Variants in KIF13A observed in about 807,000 individuals in gnomAD.
KIF13A encodes kinesin family member 13A.
A neutral mutation model predicts 212.2 loss-of-function variants in KIF13A; 79 were observed. The ratio of observed to expected loss-of-function variants is 0.37; its 90% CI spans 0.31 to 0.45. The LOEUF is 0.45. KIF13A is among the 20% of genes least tolerant of loss of function. The probability of loss-of-function intolerance (pLI) is 1.00; values close to 1 mark genes in which losing one functional copy is unlikely to be tolerated. For missense variants in KIF13A, 1,901 were observed against 2,209.0 expected (o/e 0.86, Z 2.79); for synonymous variants, 789 against 808.6 (o/e 0.98, Z 0.41).
intron 16 of KIF13A, among the ~76,000 whole-genome samples, chr6:17,822,576 G>T (rs1246634253): frequency 6.6e-6 from 1 of 152,108 alleles, no homozygotes; most frequent in East Asian, 1.9e-4. Context: ...CTGTGATCTC[G>T]GAGGGCTAAA....
rs537641598 is a variant in KIF13A at position 17,810,076 on chromosome 6, A to G, written c.2001-1146T>C. On this transcript the variant is annotated intron_variant, in intron 17 of 38. Coordinates refer to ENST00000259711, the MANE Select transcript of KIF13A (RefSeq NM_022113.6). ...ACCTCATCTCTATTAAAAAAAAACA[A>G]AAAAGGTGATACCATTTTTCCAGTC... Among the ~76,000 whole-genome samples, 17 of 152,248 alleles carry G rather than the reference A, an allele frequency of 1.1e-4. No individual in the cohort carries two copies. The South Asian group carries it at 3.3e-3, about 30-fold the overall frequency.
chr6:17,959,708 T>TCAATTAAA (rs1425264421), intron 2 of KIF13A, among the ~76,000 whole-genome samples: 7 of 152,252 alleles, frequency 4.6e-5, no homozygotes, highest in Admixed American at 1.3e-4. Flanking sequence ...CATCTAATGG[T>TCAATTAAA]AGCTTTCCTT....
rs9477554 is a variant in KIF13A at position 17,895,357 on chromosome 6, T to G, written c.159+2811A>C. Among the ~76,000 whole-genome samples, 7,006 of 152,272 alleles carry G rather than the reference T, an allele frequency of 0.046. 550 individuals are homozygous for G. The highest frequency in any genetic ancestry group is 0.16 in the African/African-American group (6,657 of 41,520). ...TGATGGTGTATTGGACATTGTATTT[T>G]TAAAACAGTTTGTGGAATCACTAAA... On this transcript the variant is annotated intron_variant, in intron 3 of 38. Transcript: ENST00000259711. The surrounding 1 kb of genome is among the most constrained non-coding windows in gnomAD (Gnocchi z 4.4).
chr6:17,987,175 G>C lies in KIF13A; in HGVS notation c.56-31C>G, dbSNP rs762683924. The C allele has an allele frequency of 6.5e-7, 1 of 1,541,436 alleles. No homozygotes were observed. The highest frequency in any genetic ancestry group is 1.2e-5 in the South Asian group (1 of 86,574). On this transcript the variant is annotated intron_variant, in intron 1 of 38. Coordinates refer to ENST00000259711, the MANE Select transcript of KIF13A (RefSeq NM_022113.6). The surrounding 1 kb of genome is among the most constrained non-coding windows in gnomAD (Gnocchi z 7.7). Reference sequence around the variant, plus strand: ...AGCAGAGAGAAAGGGACGTTGCAAAGTCCAGCATCCGCGCCTCCAGCCCGC... The same window carrying C: ...AGCAGAGAGAAAGGGACGTTGCAAACTCCAGCATCCGCGCCTCCAGCCCGC...
chr6:17,904,178 G>T (rs1208197893), intron 2 of KIF13A, among the ~76,000 whole-genome samples: 1 of 150,786 alleles, frequency 6.6e-6, no homozygotes, highest in Non-Finnish European at 1.5e-5. Flanking sequence ...TAAAAATAAA[G>T]AAAAAGAGGC....
rs1482164644 is a variant in KIF13A, at chr6:17,771,418, T to C, written c.4477-200A>G. The C allele has an allele frequency of 1.8e-6, 1 of 552,770 alleles. No individual in the cohort carries two copies. Among genetic ancestry groups the C allele is most frequent in the Non-Finnish European group, 3.2e-6 (1 of 311,234 alleles). 34.2% of individuals were successfully genotyped at this position (552,770 alleles called of 1,614,324 possible). On this transcript the variant is annotated intron_variant, in intron 37 of 38. Transcript: ENST00000259711. The surrounding 1 kb of genome is among the most constrained non-coding windows in gnomAD (Gnocchi z 5.4). The stretch of plus-strand genomic sequence containing the variant: ...ACAGATTCTGTGGCAAAAAGCATAA[T>C]TAGTCTTATTTAAAAAACAGCCTTT...
chr6:17,764,590 C>T lies in KIF13A; in HGVS notation c.4938G>A (p.Pro1646=), dbSNP rs200354621. The T allele has an allele frequency of 2.4e-4, 383 of 1,613,906 alleles. 2 individuals are homozygous for T. The East Asian group carries it at 6.1e-3, about 26-fold the overall frequency. The change falls in exon 39 of 39, where the codon CCG becomes CCA. Residue 1646 remains proline, a synonymous_variant. Transcript: ENST00000259711. The surrounding 1 kb of genome is among the most constrained non-coding windows in gnomAD (Gnocchi z 5.1). ...STPSLVHDFR[P]SSNKELTEVE... is the part of the protein sequence containing the mutation. ...CTTCTGTCAACTCTTTGTTTGAGGA[C>T]GGCCTGAAATCATGCACAAGCGATG...
rs1192709025 is a variant in KIF13A at position 17,895,338 on chromosome 6, T to A, written c.159+2830A>T. Among the ~76,000 whole-genome samples the A allele has an allele frequency of 6.6e-6, 1 of 152,244 alleles. No homozygotes were observed. Among genetic ancestry groups the A allele is most frequent in the African/African-American group, 2.4e-5 (1 of 41,464 alleles). On this transcript the variant is annotated intron_variant, in intron 3 of 38. Coordinates refer to ENST00000259711, the MANE Select transcript of KIF13A (RefSeq NM_022113.6). This position sits in a 1 kb window ranked among gnomAD's most constrained non-coding sequence, Gnocchi z 4.4. ...TCATGTACCTCCTTAACTTTGATGG[T>A]GTATTGGACATTGTATTTTTAAAAC...
In KIF13A at chr6:17,779,171, C is replaced by T. The variant is rs1163545704; in HGVS notation, c.3940-72G>A. 7 of 1,325,846 alleles carry T rather than the reference C, an allele frequency of 5.3e-6. No individual in the cohort carries two copies. The East Asian group carries it at 1.2e-4, about 23-fold the overall frequency. The allele number at this position is 1,325,846 out of a possible 1,614,324, so 82.1% of individuals were successfully genotyped here. ...TTTCATCCAAAGTGTGGTGAGAAAA[C>T]GTTTTAGAAGTCTGGAGAATGAACA... On this transcript the variant is annotated intron_variant, in intron 32 of 38. Coordinates refer to ENST00000259711, the MANE Select transcript of KIF13A (RefSeq NM_022113.6).
At chr6:17,920,612 G>A (rs1033189633) in intron 2 of KIF13A, among the ~76,000 whole-genome samples, 10 of 152,204 alleles carry the variant, frequency 6.6e-5, no homozygotes, top group African/African-American at 2.2e-4. Context: ...GGTGGCTCAC[G>A]CCTGTAATCC....
At chr6:17,925,496 T>C (rs1561768878) in intron 2 of KIF13A, among the ~76,000 whole-genome samples, 1 of 152,232 alleles carries the variant, frequency 6.6e-6, no homozygotes, top group African/African-American at 2.4e-5. Context: ...GGGACCTGTG[T>C]GAGATTATTC....
At position 17,892,347 on chromosome 6, in the gene KIF13A, T is replaced by C. The variant is rs1269710281; in HGVS notation, c.159+5821A>G. 6.6e-6 allele frequency among the ~76,000 whole-genome samples: 1 copy of C among 152,228 alleles called. No individual in the cohort carries two copies. Among genetic ancestry groups the C allele is most frequent in the Non-Finnish European group, 1.5e-5 (1 of 68,038 alleles). On this transcript the variant is annotated intron_variant, in intron 3 of 38. Transcript: ENST00000259711. The surrounding 1 kb of genome is among the most constrained non-coding windows in gnomAD (Gnocchi z 4.7). Reference sequence around the variant, plus strand: ...GGCACTGCTCCTGTGCAAACCCTTATTTCCTTTTTTTCTGATGTATTTTAC... The same window carrying C: ...GGCACTGCTCCTGTGCAAACCCTTACTTCCTTTTTTTCTGATGTATTTTAC...
chr6:17,986,840 C>G (rs910901344), intron 2 of KIF13A, among the ~76,000 whole-genome samples: 1 of 152,234 alleles, frequency 6.6e-6, no homozygotes, highest in Non-Finnish European at 1.5e-5. Flanking sequence ...GGTGCTGTGG[C>G]CAGGGTGCCC....
rs1322613480 is a variant in KIF13A, at chr6:17,951,328, G to A, written c.146+35726C>T. 16 of 627,616 alleles carry A rather than the reference G, an allele frequency of 2.5e-5. No individual in the cohort carries two copies. The highest frequency in any genetic ancestry group is 2.9e-6 in the Non-Finnish European group (1 of 349,522). The allele number at this position is 627,616 out of a possible 1,614,324, so 38.9% of individuals were successfully genotyped here. On this transcript the variant is annotated intron_variant, in intron 2 of 38. Transcript: ENST00000259711. The surrounding 1 kb of genome is among the most constrained non-coding windows in gnomAD (Gnocchi z 4.9). ...AAATTTTTTGTAGAGATGGGGTTTT[G>A]CCATGTTGCAAAGGCTGGTCTTGAA... is the stretch of plus-strand genomic sequence containing the variant.
Position 17,808,917 on chromosome 6 carries a change from G to C in KIF13A, c.2014C>G (p.Arg672Gly). The C allele has an allele frequency of 6.2e-7, 1 of 1,611,788 alleles. No homozygotes were observed. The highest frequency in any genetic ancestry group is 8.5e-7 in the Non-Finnish European group (1 of 1,178,866). ...QWAEERDELFRQSLAKLREQL... is the reference protein window; with the variant it reads ...QWAEERDELFGQSLAKLREQL... ...TCTCGCAGTTTTGCCAGGCTTTGTC[G>C]GAAGAGTTCATCCCTGCAGTGTCAT... Residue 672 changes from arginine to glycine, a missense_variant, in exon 18 of 39, where the codon CGA becomes GGA. Arg to Gly is a moderately radical substitution (Grantham distance 125). Transcript: ENST00000259711.
chr6:17,912,503 A>G lies in KIF13A; in HGVS notation c.147-14323T>C, dbSNP rs566108131. Among the ~76,000 whole-genome samples the G allele has an allele frequency of 2.0e-5, 3 of 152,306 alleles. No individual in the cohort carries two copies. The highest frequency in any genetic ancestry group is 3.9e-4 in the East Asian group (2 of 5,190). On this transcript the variant is annotated intron_variant, in intron 2 of 38. Coordinates refer to ENST00000259711, the MANE Select transcript of KIF13A (RefSeq NM_022113.6). The surrounding 1 kb of genome is among the most constrained non-coding windows in gnomAD (Gnocchi z 4.2). ...GGAGCCTGGACTTCCCTGGCTTCCAACTGTTCTCACCCTAAGCACTTATTA... is the reference window on the plus strand; with the variant it reads ...GGAGCCTGGACTTCCCTGGCTTCCAGCTGTTCTCACCCTAAGCACTTATTA...
intron 2 of KIF13A, among the ~76,000 whole-genome samples, chr6:17,964,055 T>G (rs1170386639): frequency 1.3e-5 from 2 of 152,168 alleles, no homozygotes; most frequent in Non-Finnish European, 1.5e-5. Flanking sequence ...AGGTTCGTGG[T>G]TACAGTGAGC....
At chr6:17,911,306 C>T (rs1405701522) in intron 2 of KIF13A, among the ~76,000 whole-genome samples, 2 of 152,174 alleles carry the variant, frequency 1.3e-5, no homozygotes, top group Admixed American at 6.5e-5. Context: ...CACCACTGAC[C>T]GCAGCCCTTC....
rs780637612 is a variant in KIF13A, at chr6:17,873,381, G to A, written c.216C>T (p.Tyr72=). The A allele has an allele frequency of 1.8e-5, 29 of 1,593,896 alleles. No homozygotes were observed. The highest frequency in any genetic ancestry group is 1.1e-4 in the South Asian group (10 of 87,630). The change falls in exon 4 of 39, where the codon TAC becomes TAT. Residue 72 remains tyrosine, a synonymous_variant. Transcript: ENST00000259711. The part of the protein sequence containing the change: ...WSMDESNTTK[Y]AGQEVVFKCL... ...GTGTAGAGGGAGAAAACTTACCAGC[G>A]TATTTTGTAGTGTTAGATTCATCCA...
Sources: allele counts gnomAD v4.1 joint callset (sites outside exome capture counted in the v4.1 genomes callset), GRCh38; gene constraint gnomAD v4.1.1; non-coding constraint Gnocchi (gnomAD v3.1); transcripts MANE v1.5; gene names NCBI Gene and HGNC (gene_info 2026-07-23, HGNC 2026-07-21).